AGPS: variants seen among roughly 807,000 people sequenced by gnomAD.
The protein encoded by AGPS is alkyldihydroxyacetonephosphate synthase, peroxisomal.
In AGPS, 26 loss-of-function variants were observed where a neutral mutation model predicts 90.7. The observed-to-expected ratio is 0.29, with a 90% CI of 0.21 to 0.40. AGPS has a LOEUF of 0.40. Ranked by LOEUF, AGPS falls within the 10% of genes least tolerant of loss-of-function variation. The probability of loss-of-function intolerance (pLI) is 1.00; values close to 1 mark genes in which losing one functional copy is unlikely to be tolerated. For missense variants in AGPS, 540 were observed against 816.1 expected (o/e 0.66, Z 4.12); for synonymous variants, 294 against 285.3 (o/e 1.03, Z -0.31).
At chr2:177,503,519 G>T (rs548644011) in intron 14 of AGPS, among the ~76,000 whole-genome samples, 1 of 152,058 alleles carries the variant, frequency 6.6e-6, no homozygotes, top group Non-Finnish European at 1.5e-5. Flanking sequence ...TAAAAACCTT[G>T]AATTGATGTT....
At chr2:177,532,379 A>G (rs972430418) in intron 19 of AGPS, among the ~76,000 whole-genome samples, 8 of 152,330 alleles carry the variant, frequency 5.3e-5, no homozygotes, top group Admixed American at 1.3e-4. Flanking sequence ...ATCGTTAGCT[A>G]TTAGGGAAAT....
At chr2:177,497,667 A>G (rs1383961497) in intron 12 of AGPS, 22 bp from the exon 13 acceptor site, 11 of 1,426,818 alleles carry the variant, frequency 7.7e-6, no homozygotes, top group Middle Eastern at 1.8e-4. Context: ...ACCTATTAAT[A>G]TAAACTTTTT....
At chr2:177,505,130 C>G (rs1440518951) in intron 14 of AGPS, among the ~76,000 whole-genome samples, 1 of 151,964 alleles carries the variant, frequency 6.6e-6, no homozygotes, top group Non-Finnish European at 1.5e-5. Context: ...ATCTTGTATT[C>G]TGGAAGCTTC....
chr2:177,396,987 A>G (rs1197536756), intron 1 of AGPS, among the ~76,000 whole-genome samples: 1 of 140,456 alleles, frequency 7.1e-6, no homozygotes, highest in East Asian at 2.1e-4. Context: ...CTCCCAGGCT[A>G]GAGTGAAGTG....
intron 14 of AGPS, among the ~76,000 whole-genome samples, chr2:177,500,632 G>A (rs1244689034): frequency 6.6e-6 from 1 of 151,744 alleles, no homozygotes; most frequent in Non-Finnish European, 1.5e-5. Flanking sequence ...ATTCTTAAAG[G>A]GGAAAATAGT....
rs186183216 is a variant in AGPS, at chr2:177,430,818, A to G, written c.351-3509A>G. On this transcript the variant is annotated intron_variant, in intron 2 of 19. Coordinates refer to ENST00000264167, the MANE Select transcript of AGPS (RefSeq NM_003659.4). ...GCCATCTCAGTCCCTATAGATTTCTATAAACTAAAATTTTTGAAAAATGTC... is the reference window on the plus strand; with the variant it reads ...GCCATCTCAGTCCCTATAGATTTCTGTAAACTAAAATTTTTGAAAAATGTC... 2.6e-5 allele frequency among the ~76,000 whole-genome samples: 4 copies of G among 152,312 alleles called. No individual in the cohort carries two copies. In the East Asian group the frequency reaches 5.8e-4, roughly 22 times the overall value.
Position 177,499,813 on chromosome 2 carries a change from G to A in AGPS, c.1475+83G>A. 4.5e-6 allele frequency: 4 copies of A among 890,848 alleles called. No individual in the cohort carries two copies. The Admixed American group carries it at 7.1e-5, about 16-fold the overall frequency. The allele number at this position is 890,848 out of a possible 1,614,324, so 55.2% of individuals were successfully genotyped here. On this transcript the variant is annotated intron_variant, in intron 14 of 19. Coordinates refer to ENST00000264167, the MANE Select transcript of AGPS (RefSeq NM_003659.4). ...CACCAAGCAATTATTAAAGTACTAG[G>A]CATTAATGTCTCCAAACAGACTGCA...
intron 10 of AGPS, among the ~76,000 whole-genome samples, chr2:177,468,828 G>A (rs956312891): frequency 1.3e-5 from 2 of 151,932 alleles, no homozygotes; most frequent in African/African-American, 4.8e-5. Context: ...TTGACATTTT[G>A]TATTATAGTA....
At position 177,493,025 on chromosome 2, in the gene AGPS, C is replaced by G. The variant is rs1688312853; in HGVS notation, c.1234-123C>G. On this transcript the variant is annotated intron_variant, in intron 11 of 19. Transcript: ENST00000264167. ...ATATGAAAAGTTAACTTTTTTTCCT[C>G]TGTAAATCCTTAGGAACTAAGCTCT... 8.2e-6 allele frequency: 7 copies of G among 854,752 alleles called. No homozygotes were observed. The South Asian group carries it at 9.5e-5, about 12-fold the overall frequency. The allele number at this position is 854,752 out of a possible 1,614,324, so 52.9% of individuals were successfully genotyped here. A position where few individuals can be genotyped will look rare whatever the true frequency, so the allele number is the denominator to read the frequency against.
chr2:177,415,958 T>A (rs1685773000), intron 1 of AGPS, among the ~76,000 whole-genome samples: 2 of 152,204 alleles, frequency 1.3e-5, no homozygotes, highest in South Asian at 4.1e-4. Context: ...ATTGGAATTT[T>A]ATCAGAAAAA....
At chr2:177,454,158 T>C (rs890271242) in intron 8 of AGPS, among the ~76,000 whole-genome samples, 1 of 151,720 alleles carries the variant, frequency 6.6e-6, no homozygotes, top group Non-Finnish European at 1.5e-5. Context: ...CCATTATTTC[T>C]TCAACTATCC....
intron 14 of AGPS, among the ~76,000 whole-genome samples, chr2:177,504,607 C>T (rs1282648957): frequency 6.6e-6 from 1 of 151,992 alleles, no homozygotes; most frequent in Non-Finnish European, 1.5e-5. Flanking sequence ...AGTATTTGTA[C>T]AGAACAAGAG....
At chr2:177,451,762 A>G (rs1574378432) in intron 8 of AGPS, among the ~76,000 whole-genome samples, 1 of 152,264 alleles carries the variant, frequency 6.6e-6, no homozygotes, top group East Asian at 1.9e-4. Context: ...TTTGTGTCTT[A>G]TAGTTGAGGT....
At position 177,538,071 on chromosome 2, in the gene AGPS, C is replaced by T; in HGVS notation, c.1856-3C>T. ...TGAAGCATTTTTGATTTTGTTTTTC[C>T]AGTGGGCAAGTTACGGAAGCAATGG... On this transcript the variant is annotated splice_polypyrimidine_tract_variant and splice_region_variant and intron_variant, in intron 19 of 19. Transcript: ENST00000264167. The T allele has an allele frequency of 6.2e-7, 1 of 1,612,822 alleles. No homozygotes were observed. The highest frequency in any genetic ancestry group is 8.5e-7 in the Non-Finnish European group (1 of 1,179,162).
intron 18 of AGPS, 63 bp from the exon 19 acceptor site, chr2:177,523,683 CTT>C: frequency 7.0e-7 from 1 of 1,430,560 alleles, no homozygotes; most frequent in South Asian, 1.1e-5. Flanking sequence ...GGAGTTGGGT[CTT>C]TTTCTTTCAC....
At chr2:177,473,676 C>G (rs994916080) in intron 10 of AGPS, among the ~76,000 whole-genome samples, 3 of 152,164 alleles carry the variant, frequency 2.0e-5, no homozygotes, top group African/African-American at 7.2e-5. Flanking sequence ...CATTAAAACT[C>G]TACATAAATG....
Position 177,434,739 on chromosome 2 carries a change from C to A in AGPS, c.441+322C>A, listed in dbSNP as rs561019480. On this transcript the variant is annotated intron_variant, in intron 3 of 19. Transcript: ENST00000264167. ...GTAGTAGTGAAGTGCAGATTATTTA[C>A]TTCCTTAAAGAGTGCTTTGTTACAG... Among the ~76,000 whole-genome samples, 5 of 152,096 alleles carry A rather than the reference C, an allele frequency of 3.3e-5. No homozygotes were observed. In the South Asian group the frequency reaches 1.0e-3, roughly 31 times the overall value.
In AGPS at chr2:177,435,953, A is replaced by G. The variant is rs542635911; in HGVS notation, c.442-811A>G. ...TCACAGAAGTTGGGTGACATGCCCA[A>G]TGTCTCATAGTTTTAACTTTGAAGT... On this transcript the variant is annotated intron_variant, in intron 3 of 19. Transcript: ENST00000264167. 2.7e-4 allele frequency among the ~76,000 whole-genome samples: 41 copies of G among 152,258 alleles called. No homozygotes were observed. The Middle Eastern group carries it at 0.024, about 88-fold the overall frequency.
chr2:177,413,049 G>A (rs1295215500), intron 1 of AGPS, among the ~76,000 whole-genome samples: 1 of 152,146 alleles, frequency 6.6e-6, no homozygotes, highest in African/African-American at 2.4e-5. Flanking sequence ...GCAAGTGAAA[G>A]CACAGCTGGA....
Sources: gnomAD v4.1 joint callset for allele counts (sites outside exome capture counted in the v4.1 genomes callset) on GRCh38, gnomAD v4.1.1 for gene constraint, MANE v1.5 for transcripts, NCBI Gene and HGNC (gene_info 2026-07-23, HGNC 2026-07-21) for gene names.